The following CRADD variants were observed in gnomAD, a reference collection of about 807,000 sequenced individuals.
CRADD encodes death domain-containing protein CRADD.
CRADD carries 9 observed loss-of-function variants against 15.5 expected under a neutral mutation model. That is an observed-to-expected ratio of 0.58 (90% CI 0.35 to 1.01). The LOEUF (loss-of-function observed/expected upper bound fraction) is 1.01, where lower values mean the gene tolerates loss of function less well. CRADD is among the 50% of genes least tolerant of loss of function. CRADD has a pLI of 0.02. For synonymous variants in CRADD, 118 were observed against 107.6 expected (o/e 1.10, Z -0.60); for missense variants, 227 against 250.3 (o/e 0.91, Z 0.63).
chr12:93,728,387 C>T (rs1956405914), intron 2 of CRADD, among the ~76,000 whole-genome samples: 1 of 152,174 alleles, frequency 6.6e-6, no homozygotes. Flanking sequence ...CATAAAAGAA[C>T]ACTTGAATAA....
chr12:93,877,735 C>T (rs1450403717), intron 2 of CRADD, among the ~76,000 whole-genome samples: 2 of 152,026 alleles, frequency 1.3e-5, no homozygotes, highest in African/African-American at 4.8e-5. Flanking sequence ...CTGGGATTCA[C>T]TCTTTAGGGC....
chr12:93,883,021 C>G (rs1199896187), intron 2 of CRADD, among the ~76,000 whole-genome samples: 2 of 152,138 alleles, frequency 1.3e-5, no homozygotes, highest in Non-Finnish European at 2.9e-5. Context: ...CACGAAGAGA[C>G]TTGGAATTAA....
chr12:93,688,541 A>G lies in CRADD; in HGVS notation c.298+9469A>G. On this transcript the variant is annotated intron_variant, in intron 2 of 2. Coordinates refer to ENST00000332896, the MANE Select transcript of CRADD (RefSeq NM_003805.5). ...AGCAGTCTTTTGTGTCTCACAAAGA[A>G]CTTCAGATAACATCAGTAAAATAAT... Among the ~76,000 whole-genome samples the G allele has an allele frequency of 1.3e-5, 2 of 151,962 alleles. 1 individual carries two copies. The highest frequency in any genetic ancestry group is 2.9e-5 in the Non-Finnish European group (2 of 68,002).
intron 2 of CRADD, among the ~76,000 whole-genome samples, chr12:93,787,229 C>T (rs1438300387): frequency 6.7e-6 from 1 of 148,788 alleles, no homozygotes; most frequent in Non-Finnish European, 1.5e-5. Context: ...CTAAGTCAGC[C>T]TCATGGGTGG....
intron 2 of CRADD, among the ~76,000 whole-genome samples, chr12:93,870,190 T>A (rs1958406439): frequency 6.6e-6 from 1 of 152,190 alleles, no homozygotes; most frequent in Non-Finnish European, 1.5e-5. Context: ...AAGTATTTTT[T>A]AAAAAATCAT....
chr12:93,839,214 C>A (rs1248224604), intron 2 of CRADD, among the ~76,000 whole-genome samples: 2 of 152,182 alleles, frequency 1.3e-5, no homozygotes, highest in East Asian at 3.8e-4. Context: ...TCTCTTCCCC[C>A]AGCAATGAGC....
intron 2 of CRADD, among the ~76,000 whole-genome samples, chr12:93,713,777 A>T (rs943311911): frequency 6.6e-6 from 1 of 152,206 alleles, no homozygotes; most frequent in African/African-American, 2.4e-5. Context: ...TAATGTAAAT[A>T]TCTCATGATT....
chr12:93,865,555 A>T (rs1325445252), intron 2 of CRADD, among the ~76,000 whole-genome samples: 1 of 152,114 alleles, frequency 6.6e-6, no homozygotes, highest in Non-Finnish European at 1.5e-5. Context: ...AGTAGCTAGG[A>T]CTACAGGCAC....
intron 2 of CRADD, among the ~76,000 whole-genome samples, chr12:93,863,644 G>GTGTT (rs58596395): frequency 6.7e-6 from 1 of 148,696 alleles, no homozygotes; most frequent in South Asian, 2.1e-4. Flanking sequence ...GTGTGTGTGT[G>GTGTT]AAGCTGTCAT....
intron 2 of CRADD, among the ~76,000 whole-genome samples, chr12:93,859,870 AG>A (rs1958305565): frequency 6.7e-6 from 1 of 148,616 alleles, no homozygotes; most frequent in South Asian, 2.2e-4. Flanking sequence ...ACAGAACTAC[AG>A]GCGCACCACC....
rs1002526541 is a variant in CRADD at position 93,685,321 on chromosome 12, A to G, written c.298+6249A>G. ...GGGATGGGGAGGTTGGTTAATGGAT[A>G]CAAAATTACAGCTAGATGGGTGGAA... On this transcript the variant is annotated intron_variant, in intron 2 of 2. Transcript: ENST00000332896. Among the ~76,000 whole-genome samples, 31 of 152,322 alleles carry G rather than the reference A, an allele frequency of 2.0e-4. 1 individual carries two copies. Among genetic ancestry groups the G allele is most frequent in the African/African-American group, 7.5e-4 (31 of 41,570 alleles).
chr12:93,866,045 TTTTTCCCTCTC>T (rs1958364850), intron 2 of CRADD, among the ~76,000 whole-genome samples: 2 of 152,192 alleles, frequency 1.3e-5, no homozygotes, highest in Non-Finnish European at 2.9e-5. Context: ...GTCTAACCAA[TTTTTCCCTCTC>T]TAGAAGCTTT....
chr12:93,727,503 A>G (rs1000546947), intron 2 of CRADD, among the ~76,000 whole-genome samples: 8 of 152,206 alleles, frequency 5.3e-5, no homozygotes, highest in African/African-American at 1.9e-4. Flanking sequence ...ATGAAATAGA[A>G]CGATTTTCTC....
chr12:93,681,147 G>A (rs891394443), intron 2 of CRADD, among the ~76,000 whole-genome samples: 3 of 151,852 alleles, frequency 2.0e-5, no homozygotes, highest in African/African-American at 4.8e-5. Context: ...GCCTCCCAAA[G>A]TGCTGGGATT....
intron 2 of CRADD, among the ~76,000 whole-genome samples, chr12:93,804,616 C>T (rs1460705507): frequency 6.6e-6 from 1 of 152,104 alleles, no homozygotes; most frequent in Admixed American, 6.6e-5. Context: ...TGGCTAGTGA[C>T]ACCATTAAGA....
Position 93,763,595 on chromosome 12 carries a change from C to T in CRADD, c.298+84523C>T, listed in dbSNP as rs570229854. 2.0e-5 allele frequency among the ~76,000 whole-genome samples: 3 copies of T among 151,952 alleles called. No individual in the cohort carries two copies. The South Asian group carries it at 6.2e-4, about 31-fold the overall frequency. ...CATTTTGGATTCAAGTCTAGAAATT[C>T]CTCTTCATTTTTTTTTCTTTTTTGT... On this transcript the variant is annotated intron_variant, in intron 2 of 2. Coordinates refer to ENST00000332896, the MANE Select transcript of CRADD (RefSeq NM_003805.5).
Position 93,720,355 on chromosome 12 carries a change from A to G in CRADD, c.298+41283A>G, listed in dbSNP as rs184040559. 2.8e-3 allele frequency among the ~76,000 whole-genome samples: 423 copies of G among 152,278 alleles called. 1 individual carries two copies. Among genetic ancestry groups the G allele is most frequent in the South Asian group, 9.9e-3 (48 of 4,830 alleles). On this transcript the variant is annotated intron_variant, in intron 2 of 2. Transcript: ENST00000332896. ...TGTTTTATGGCCTAAAATGTGGTCT[A>G]TCATGGTGAATAGTCCACATGAGCT...
intron 2 of CRADD, among the ~76,000 whole-genome samples, chr12:93,795,844 A>G (rs1396434622): frequency 6.6e-6 from 1 of 152,208 alleles, no homozygotes; most frequent in Non-Finnish European, 1.5e-5. Flanking sequence ...GCCTCTTGTA[A>G]AATAGCTAGA....
At chr12:93,844,907 T>C (rs182929051) in intron 2 of CRADD, among the ~76,000 whole-genome samples, 2 of 152,240 alleles carry the variant, frequency 1.3e-5, no homozygotes, top group African/African-American at 4.8e-5. Flanking sequence ...TTCCTGAGGG[T>C]TCCTCCTAAT....
Sources: allele counts gnomAD v4.1 joint callset (sites outside exome capture counted in the v4.1 genomes callset), GRCh38; gene constraint gnomAD v4.1.1; transcripts MANE v1.5; gene names NCBI Gene and HGNC (gene_info 2026-07-23, HGNC 2026-07-21).